The following SPECC1 variants were observed in gnomAD, a reference collection of about 807,000 sequenced individuals.
The protein encoded by SPECC1 is cytospin-B.
Under a neutral mutation model 104.1 loss-of-function variants are expected in SPECC1, and 62 were observed. The ratio of observed to expected loss-of-function variants is 0.60; its 90% CI spans 0.49 to 0.74. The LOEUF is 0.74. Ranked by LOEUF, SPECC1 falls within the 30% of genes least tolerant of loss-of-function variation. SPECC1 has a pLI of 0.00. For synonymous variants in SPECC1, 513 were observed against 501.6 expected (o/e 1.02, Z -0.30); for missense variants, 1,306 against 1,310.5 (o/e 1.00, Z 0.05).
At chr17:20,265,465 T>C (rs1347976903) in intron 12 of SPECC1, among the ~76,000 whole-genome samples, 2 of 152,214 alleles carry the variant, frequency 1.3e-5, no homozygotes, top group Admixed American at 6.5e-5. Flanking sequence ...ATTTGGTTTT[T>C]GCTTGTGGAT....
chr17:20,188,958 T>C (rs1007082548), intron 3 of SPECC1, among the ~76,000 whole-genome samples: 4 of 152,168 alleles, frequency 2.6e-5, no homozygotes, highest in East Asian at 1.9e-4. Context: ...ATTTATTATG[T>C]TTTCCTGGTA....
chr17:20,238,390 C>T (rs72830194), intron 7 of SPECC1: 71,222 of 1,041,490 alleles, frequency 0.068, 2,630 homozygotes, highest in Non-Finnish European at 0.076. Flanking sequence ...TCAGCAACCT[C>T]CATCAGGCAG....
rs370890295 is a variant in SPECC1 at position 20,232,181 on chromosome 17, T to C, written c.2146-19T>C. 12 of 1,613,466 alleles carry C rather than the reference T, an allele frequency of 7.4e-6. No individual in the cohort carries two copies. In the African/African-American group the frequency reaches 9.3e-5, roughly 13 times the overall value. On this transcript the variant is annotated intron_variant, in intron 6 of 14. Coordinates refer to ENST00000395527, the MANE Select transcript of SPECC1 (RefSeq NM_001243439.2). ...CCCTGGCAGGCGTCTGACATAAGGA[T>C]GGGCTCTGACATTTTCAGGAGGAGA...
At chr17:20,024,319 A>G (rs192894771) in intron 1 of SPECC1, among the ~76,000 whole-genome samples, 9 of 152,260 alleles carry the variant, frequency 5.9e-5, no homozygotes, top group East Asian at 5.8e-4. Context: ...CTTTTCATTC[A>G]TCACGTCCTT....
At chr17:20,234,375 CTGG>C (rs910039731) in intron 7 of SPECC1, among the ~76,000 whole-genome samples, 6 of 152,200 alleles carry the variant, frequency 3.9e-5, no homozygotes, top group Non-Finnish European at 8.8e-5. Context: ...GCCGGAGATG[CTGG>C]TTTCTTGTCT....
intron 11 of SPECC1, 76 bp from the exon 12 acceptor site, chr17:20,260,116 G>A (rs768468177): frequency 2.2e-4 from 264 of 1,175,438 alleles, no homozygotes; most frequent in Non-Finnish European, 2.9e-4. Context: ...TCTAAAGTAG[G>A]TATTTATTTC....
intron 1 of SPECC1, among the ~76,000 whole-genome samples, chr17:20,081,571 T>C (rs2046975102): frequency 6.6e-6 from 1 of 151,872 alleles, no homozygotes; most frequent in South Asian, 2.1e-4. Flanking sequence ...CCTACATTGC[T>C]AAAGGATCAT....
At chr17:20,184,605 T>C (rs2035134854) in intron 3 of SPECC1, among the ~76,000 whole-genome samples, 3 of 152,202 alleles carry the variant, frequency 2.0e-5, no homozygotes, top group Admixed American at 2.0e-4. Context: ...TTATCTCTAC[T>C]GTGCCTCAGT....
At chr17:20,137,884 C>A (rs2030215728) in intron 3 of SPECC1, among the ~76,000 whole-genome samples, 1 of 152,016 alleles carries the variant, frequency 6.6e-6, no homozygotes, top group African/African-American at 2.4e-5. Flanking sequence ...CCAGGCTGGT[C>A]TCGAACTCCT....
At chr17:20,046,035 A>T (rs1411243159) in intron 1 of SPECC1, among the ~76,000 whole-genome samples, 1 of 150,948 alleles carries the variant, frequency 6.6e-6, no homozygotes, top group African/African-American at 2.4e-5. Flanking sequence ...AACCATTAGC[A>T]TAGTAATATT....
chr17:20,150,991 T>C (rs2152566893), intron 3 of SPECC1, among the ~76,000 whole-genome samples: 1 of 152,332 alleles, frequency 6.6e-6, no homozygotes, highest in East Asian at 1.9e-4. Flanking sequence ...AAGGGATCTT[T>C]ATATTCAGTG....
intron 1 of SPECC1, among the ~76,000 whole-genome samples, chr17:20,090,268 G>A (rs1567834979): frequency 6.6e-6 from 1 of 152,188 alleles, no homozygotes; most frequent in South Asian, 2.1e-4. Flanking sequence ...GAGCCTGTGG[G>A]CAGCACTGGC....
At chr17:20,035,440 GTCT>G (rs1197481897) in intron 1 of SPECC1, among the ~76,000 whole-genome samples, 4 of 152,060 alleles carry the variant, frequency 2.6e-5, no homozygotes, top group African/African-American at 9.7e-5. Flanking sequence ...CGCTATTTAA[GTCT>G]TCTTTGATTT....
At chr17:20,126,007 G>A (rs2049284462) in intron 3 of SPECC1, among the ~76,000 whole-genome samples, 1 of 152,190 alleles carries the variant, frequency 6.6e-6, no homozygotes, top group Non-Finnish European at 1.5e-5. Flanking sequence ...TTTGGGGATG[G>A]CAGCTCTCCT....
chr17:20,211,933 C>T (rs2151385296), intron 4 of SPECC1, among the ~76,000 whole-genome samples: 1 of 152,314 alleles, frequency 6.6e-6, no homozygotes, highest in East Asian at 1.9e-4. Context: ...GACTCATCTG[C>T]GAACCTGGTG....
At chr17:20,086,859 G>T (rs1358010509) in intron 1 of SPECC1, among the ~76,000 whole-genome samples, 1 of 152,186 alleles carries the variant, frequency 6.6e-6, no homozygotes, top group Non-Finnish European at 1.5e-5. Flanking sequence ...GTTTTGCTGG[G>T]TGGGTGGGGC....
intron 8 of SPECC1, among the ~76,000 whole-genome samples, chr17:20,246,345 C>T (rs1254754883): frequency 5.3e-5 from 8 of 152,220 alleles, no homozygotes; most frequent in Non-Finnish European, 1.2e-4. Context: ...CCTTTCTTTT[C>T]TGCCTCTCAT....
chr17:20,291,938 C>T (rs201406727), intron 12 of SPECC1, among the ~76,000 whole-genome samples: 2 of 123,030 alleles, frequency 1.6e-5, no homozygotes, highest in African/African-American at 2.6e-5. Context: ...ATCTAGTATC[C>T]GTCAGCATTG....
At chr17:20,039,241 A>G (rs1280287700) in intron 1 of SPECC1, among the ~76,000 whole-genome samples, 1 of 152,142 alleles carries the variant, frequency 6.6e-6, no homozygotes, top group Non-Finnish European at 1.5e-5. Flanking sequence ...TGTTGGGTAG[A>G]GTGTTCCGTA....
Sources: gnomAD v4.1 joint callset for allele counts (sites outside exome capture counted in the v4.1 genomes callset) on GRCh38, gnomAD v4.1.1 for gene constraint, MANE v1.5 for transcripts, NCBI Gene and HGNC (gene_info 2026-07-23, HGNC 2026-07-21) for gene names.